The following SMARCC1 variants were observed in gnomAD, a reference collection of about 807,000 sequenced individuals.
The protein encoded by SMARCC1 is SWI/SNF complex subunit SMARCC1.
SMARCC1 carries 43 observed loss-of-function variants against 147.4 expected under a neutral mutation model. That is an observed-to-expected ratio of 0.29 (90% CI 0.23 to 0.38). The LOEUF (loss-of-function observed/expected upper bound fraction) is 0.38. Ranked by LOEUF, SMARCC1 falls within the 10% of genes least tolerant of loss-of-function variation. The pLI, the probability that SMARCC1 is intolerant of heterozygous loss-of-function variation, is 1.00. For missense variants in SMARCC1, 1,119 were observed against 1,381.1 expected (o/e 0.81, Z 3.01); for synonymous variants, 495 against 484.4 (o/e 1.02, Z -0.29).
At chr3:47,769,210 CAAAAAAA>C (rs1553692338) in intron 2 of SMARCC1, among the ~76,000 whole-genome samples, 2 of 33,100 alleles carry the variant, frequency 6.0e-5, no homozygotes, top group Admixed American at 4.5e-4. Context: ...GACTCCGTCT[CAAAAAAA>C]AAAAAAAAAA....
At chr3:47,719,245 T>C (rs993310835) in intron 7 of SMARCC1, among the ~76,000 whole-genome samples, 3 of 152,150 alleles carry the variant, frequency 2.0e-5, no homozygotes, top group Admixed American at 1.3e-4. Flanking sequence ...AGCTCTTGTT[T>C]ATAATACTCG....
chr3:47,714,329 C>T (rs2106802314), intron 8 of SMARCC1, 86 bp downstream of exon 8: 2 of 796,808 alleles, frequency 2.5e-6, no homozygotes, highest in Non-Finnish European at 4.3e-6. Context: ...CACCACTCCA[C>T]TCTAGCCTGG....
At chr3:47,755,730 T>C (rs1198977949) in intron 2 of SMARCC1, among the ~76,000 whole-genome samples, 3 of 151,174 alleles carry the variant, frequency 2.0e-5, no homozygotes, top group Non-Finnish European at 3.0e-5. Flanking sequence ...CGGTGGCTCA[T>C]GTCTGTAATC....
At position 47,587,918 on chromosome 3, in the gene SMARCC1, C is replaced by T. The variant is rs148711246; in HGVS notation, c.*291G>A. The T allele has an allele frequency of 2.7e-3, 1,073 of 401,178 alleles. 5 individuals carry two copies. Among genetic ancestry groups the T allele is most frequent in the Non-Finnish European group, 3.8e-3 (848 of 223,652 alleles). The allele number at this position is 401,178 out of a possible 1,614,324, so 24.9% of individuals were successfully genotyped here. ...AGCATGCTAAAGTTGACAGGACCTG[C>T]AGAGAAACTGTCAGCTTACTCCCAC... On this transcript the variant is annotated 3_prime_UTR_variant, in exon 28 of 28. Transcript: ENST00000254480.
intron 3 of SMARCC1, among the ~76,000 whole-genome samples, chr3:47,741,353 C>T (rs964545856): frequency 2.0e-5 from 1 of 48,872 alleles, no homozygotes; most frequent in Non-Finnish European, 5.9e-5. Flanking sequence ...AATTTGAACA[C>T]TCAACGATTT....
rs573124862 is a variant in SMARCC1 at position 47,614,854 on chromosome 3, A to G, written c.2782-4527T>C. ...TTTCACATTTCAGAGTAAAGCAAAA[A>G]GGCCTCTGGACTGCTTTCAAGAATT... On this transcript the variant is annotated intron_variant, in intron 25 of 27. Transcript: ENST00000254480. 9.8e-5 allele frequency among the ~76,000 whole-genome samples: 15 copies of G among 152,354 alleles called. No individual in the cohort carries two copies. The East Asian group carries it at 2.7e-3, about 27-fold the overall frequency.
In SMARCC1 at chr3:47,597,385, C is replaced by T. The variant is rs574154443; in HGVS notation, c.3044-6548G>A. On this transcript the variant is annotated intron_variant, in intron 26 of 27. Coordinates refer to ENST00000254480, the MANE Select transcript of SMARCC1 (RefSeq NM_003074.4). ...TGAGACGGAGTCTCACTCTGTTGCC[C>T]AGGCTGGAGTGCAGTGGTGCAATCT... 2.3e-3 allele frequency among the ~76,000 whole-genome samples: 357 copies of T among 152,082 alleles called. 5 individuals are homozygous for T. The Middle Eastern group carries it at 0.027, about 12-fold the overall frequency.
At chr3:47,609,708 G>A (rs2106668537) in intron 26 of SMARCC1, among the ~76,000 whole-genome samples, 1 of 152,328 alleles carries the variant, frequency 6.6e-6, no homozygotes, top group Admixed American at 6.5e-5. Context: ...GAAAGATGAT[G>A]GTTGTTGAAA....
intron 5 of SMARCC1, among the ~76,000 whole-genome samples, chr3:47,733,752 T>C (rs1342956779): frequency 6.6e-6 from 1 of 150,768 alleles, no homozygotes; most frequent in African/African-American, 2.4e-5. Flanking sequence ...TAGTCCCAGC[T>C]ACTCGGGAGG....
chr3:47,759,503 C>A (rs1048612746), intron 2 of SMARCC1, among the ~76,000 whole-genome samples: 1 of 149,196 alleles, frequency 6.7e-6, no homozygotes, highest in African/African-American at 2.5e-5. Context: ...TGCCTGTAAT[C>A]CCAGCTACTC....
At chr3:47,604,335 C>T in intron 26 of SMARCC1, 3 of 455,264 alleles carry the variant, frequency 6.6e-6, no homozygotes. Context: ...TCAGCACTTC[C>T]CCAACCTTAC....
At chr3:47,632,997 C>T (rs2032913211) in intron 24 of SMARCC1, among the ~76,000 whole-genome samples, 1 of 149,918 alleles carries the variant, frequency 6.7e-6, no homozygotes, top group Non-Finnish European at 1.5e-5. Flanking sequence ...AACTAATCTA[C>T]GGTGTAATGA....
intron 25 of SMARCC1, among the ~76,000 whole-genome samples, chr3:47,617,672 G>A (rs562533194): frequency 6.6e-6 from 1 of 152,320 alleles, no homozygotes; most frequent in South Asian, 2.1e-4. Context: ...GCTAGTGCTA[G>A]AGTGAGAAAG....
intron 6 of SMARCC1, among the ~76,000 whole-genome samples, chr3:47,727,594 C>T (rs993185332): frequency 6.6e-6 from 1 of 151,638 alleles, no homozygotes; most frequent in Non-Finnish European, 1.5e-5. Flanking sequence ...CCATTTTCCT[C>T]TTTTACCAAT....
At chr3:47,688,348 G>A (rs1245327760) in intron 13 of SMARCC1, among the ~76,000 whole-genome samples, 1 of 150,696 alleles carries the variant, frequency 6.6e-6, no homozygotes, top group African/African-American at 2.4e-5. Context: ...CAGGTGAAGA[G>A]TCATAAGAAA....
chr3:47,779,224 C>A (rs539951240), intron 1 of SMARCC1, among the ~76,000 whole-genome samples: 1 of 151,980 alleles, frequency 6.6e-6, no homozygotes, highest in South Asian at 2.1e-4. Flanking sequence ...ACAGAAAGAC[C>A]CTGTCTCAAA....
chr3:47,604,383 A>G (rs1163282981), intron 26 of SMARCC1: 1 of 433,898 alleles, frequency 2.3e-6, no homozygotes, highest in Non-Finnish European at 4.6e-6. Context: ...CATATATCAT[A>G]AAGTCGAGCC....
chr3:47,741,363 T>C (rs1420754062), intron 3 of SMARCC1, among the ~76,000 whole-genome samples: 1 of 35,986 alleles, frequency 2.8e-5, no homozygotes, highest in Non-Finnish European at 9.5e-5. Context: ...CTCAACGATT[T>C]AATATTAAAA....
intron 17 of SMARCC1, among the ~76,000 whole-genome samples, chr3:47,676,309 G>T (rs2106755770): frequency 6.6e-6 from 1 of 152,254 alleles, no homozygotes; most frequent in East Asian, 1.9e-4. Flanking sequence ...AGGGAAAGAA[G>T]ATTTTGCATC....
Sources: gnomAD v4.1 joint callset for allele counts (sites outside exome capture counted in the v4.1 genomes callset) on GRCh38, gnomAD v4.1.1 for gene constraint, MANE v1.5 for transcripts, NCBI Gene and HGNC (gene_info 2026-07-23, HGNC 2026-07-21) for gene names.